PDE8B: variants seen among roughly 807,000 people sequenced by gnomAD.
The protein encoded by PDE8B is phosphodiesterase 8B.
PDE8B carries 26 observed loss-of-function variants against 101.3 expected under a neutral mutation model. That is an observed-to-expected ratio of 0.26 (90% CI 0.19 to 0.36). The LOEUF (loss-of-function observed/expected upper bound fraction) is 0.36, where lower values mean the gene tolerates loss of function less well. PDE8B is among the 10% of genes least tolerant of loss of function. PDE8B has a pLI of 1.00. For synonymous variants in PDE8B, 424 were observed against 429.3 expected, an observed-to-expected ratio of 0.99 and a Z score of 0.15; for missense variants, 810 against 1,163.1, an observed-to-expected ratio of 0.70 and a Z score of 4.42.
At chr5:77,375,533 T>G (rs995512290) in intron 10 of PDE8B, among the ~76,000 whole-genome samples, 1 of 152,220 alleles carries the variant, frequency 6.6e-6, no homozygotes, top group Non-Finnish European at 1.5e-5. Flanking sequence ...TTGTTTAAAG[T>G]GAGAATAGGT....
chr5:77,255,584 C>T (rs977044395), intron 1 of PDE8B, among the ~76,000 whole-genome samples: 1 of 152,216 alleles, frequency 6.6e-6, no homozygotes, highest in Non-Finnish European at 1.5e-5. Flanking sequence ...TCCCCAGCCC[C>T]GAACTCCCCT....
chr5:77,371,523 G>C (rs1785086220), intron 10 of PDE8B, among the ~76,000 whole-genome samples: 1 of 152,106 alleles, frequency 6.6e-6, no homozygotes, highest in South Asian at 2.1e-4. Flanking sequence ...TCAAAGTCAG[G>C]TAATGTAAGT....
chr5:77,245,499 A>G (rs1441422304), intron 1 of PDE8B, among the ~76,000 whole-genome samples: 2 of 152,190 alleles, frequency 1.3e-5, no homozygotes, highest in South Asian at 4.1e-4. Flanking sequence ...GATCGTACAG[A>G]AGACAAGGCC....
rs201411330 is a variant in PDE8B, at chr5:77,210,988, C to A, written c.63C>A (p.Asp21Glu). Residue 21 changes from aspartate (D) to glutamate (E), a missense_variant, in exon 1 of 22, where the codon GAC (aspartate) becomes GAA (glutamate). Coordinates refer to ENST00000264917, the MANE Select transcript of PDE8B (RefSeq NM_003719.5). This position sits in a 1 kb window ranked among gnomAD's most constrained non-coding sequence, Gnocchi z 4.9. ...GCGTGATCTACTGCCGGGACTCGGA[C>A]GAGTCCAGCTCGCCCCGCCAGACCA... Reference protein sequence around the residue: ...QSGVIYCRDSDESSSPRQTTS... With the variant: ...QSGVIYCRDSEESSSPRQTTS... 1.9e-6 allele frequency: 3 copies of A among 1,541,786 alleles called. No individual in the cohort carries two copies. The highest frequency in any genetic ancestry group is 2.6e-6 in the Non-Finnish European group (3 of 1,154,238).
chr5:77,347,990 G>A (rs1015906279), intron 7 of PDE8B, among the ~76,000 whole-genome samples: 2 of 152,078 alleles, frequency 1.3e-5, no homozygotes, highest in Non-Finnish European at 1.5e-5. Context: ...GGGGCCAGGA[G>A]GGGGTCTGGA....
chr5:77,168,097 T>C, the PDE8B span, among the ~76,000 whole-genome samples: 1 of 152,230 alleles, frequency 6.6e-6, no homozygotes, highest in African/African-American at 2.4e-5. Context: ...AACCAAGTGA[T>C]GACAAGTAAA....
chr5:77,187,048 C>A, the PDE8B span, among the ~76,000 whole-genome samples: 1 of 152,216 alleles, frequency 6.6e-6, no homozygotes, highest in African/African-American at 2.4e-5. Context: ...ATGGATTTGT[C>A]TATGAATATG....
intron 1 of PDE8B, among the ~76,000 whole-genome samples, chr5:77,226,432 T>G (rs1409887834): frequency 6.6e-6 from 1 of 152,218 alleles, no homozygotes; most frequent in African/African-American, 2.4e-5. Context: ...TACTCATAGC[T>G]GCATAGTATA....
chr5:77,228,531 GA>G (rs1009007650), intron 1 of PDE8B, among the ~76,000 whole-genome samples: 30 of 152,180 alleles, frequency 2.0e-4, no homozygotes, highest in African/African-American at 7.2e-4. Context: ...GACAAATAGG[GA>G]TTAACTTGGT....
At chr5:77,111,352 A>G in the PDE8B span, among the ~76,000 whole-genome samples, 1 of 152,164 alleles carries the variant, frequency 6.6e-6, no homozygotes, top group African/African-American at 2.4e-5. Flanking sequence ...CATTGGGCAG[A>G]AAAATCAGGA....
At chr5:77,305,605 C>G (rs1192124707) in intron 1 of PDE8B, among the ~76,000 whole-genome samples, 1 of 152,122 alleles carries the variant, frequency 6.6e-6, no homozygotes, top group Non-Finnish European at 1.5e-5. Context: ...GCTGCAGGGC[C>G]AGTCCCTTTC....
intron 10 of PDE8B, among the ~76,000 whole-genome samples, chr5:77,383,715 C>T (rs1279787012): frequency 2.0e-5 from 3 of 152,260 alleles, no homozygotes; most frequent in South Asian, 2.1e-4. Context: ...CCAGTTTTCC[C>T]GACCTCATTT....
At chr5:77,314,438 G>T (rs1411949271) in intron 2 of PDE8B, among the ~76,000 whole-genome samples, 3 of 151,948 alleles carry the variant, frequency 2.0e-5, no homozygotes, top group Non-Finnish European at 2.9e-5. Flanking sequence ...GAGCTAGCTG[G>T]GATTTTGATA....
the PDE8B span, among the ~76,000 whole-genome samples, chr5:77,090,128 G>C: frequency 6.6e-6 from 1 of 152,198 alleles, no homozygotes; most frequent in African/African-American, 2.4e-5. Flanking sequence ...GTGTAGAGGT[G>C]GGGGAGTGAA....
At chr5:77,307,599 G>C (rs1771533243) in intron 1 of PDE8B, among the ~76,000 whole-genome samples, 1 of 151,916 alleles carries the variant, frequency 6.6e-6, no homozygotes, top group Admixed American at 6.6e-5. Context: ...AATAGTACTT[G>C]TGTTTTTTTT....
At chr5:77,380,805 T>C (rs897254391) in intron 10 of PDE8B, among the ~76,000 whole-genome samples, 2 of 152,146 alleles carry the variant, frequency 1.3e-5, no homozygotes, top group African/African-American at 4.8e-5. Flanking sequence ...GGAAAGTCCA[T>C]TGATAGCATG....
the PDE8B span, among the ~76,000 whole-genome samples, chr5:77,197,678 T>C: frequency 3.5e-5 from 4 of 114,724 alleles, no homozygotes; most frequent in Middle Eastern, 7.6e-3. Context: ...TGGCTAGCGG[T>C]CTATCAATTT....
At chr5:77,089,931 A>G in the PDE8B span, among the ~76,000 whole-genome samples, 1 of 152,258 alleles carries the variant, frequency 6.6e-6, no homozygotes, top group Non-Finnish European at 1.5e-5. Context: ...AATATGATAT[A>G]TATACACAAT....
chr5:77,353,259 C>T, intron 9 of PDE8B, 87 bp from the exon 10 acceptor site: 1 of 813,390 alleles, frequency 1.2e-6, no homozygotes, highest in Non-Finnish European at 2.2e-6. Context: ...TGGAGTTTAG[C>T]TTTAAGAAGT....
Sources: gnomAD v4.1 joint callset for allele counts (sites outside exome capture counted in the v4.1 genomes callset) on GRCh38, gnomAD v4.1.1 for gene constraint, Gnocchi (gnomAD v3.1) non-coding constraint, MANE v1.5 for transcripts, NCBI Gene and HGNC (gene_info 2026-07-23, HGNC 2026-07-21) for gene names.